The following PDE4B variants were observed in gnomAD, a reference collection of about 807,000 sequenced individuals.
PDE4B encodes phosphodiesterase 4B.
A neutral mutation model predicts 82.2 loss-of-function variants in PDE4B; 20 were observed. That is an observed-to-expected ratio of 0.24 (90% confidence interval 0.17 to 0.35). PDE4B has a LOEUF of 0.35. PDE4B is among the 10% of genes least tolerant of loss of function. The pLI is 1.00. For synonymous variants in PDE4B, 320 were observed against 318.9 expected (o/e 1.00, Z -0.04); for missense variants, 655 against 907.2 (o/e 0.72, Z 3.57).
At chr1:65,998,137 A>C (rs1201420634) in intron 3 of PDE4B, among the ~76,000 whole-genome samples, 1 of 152,068 alleles carries the variant, frequency 6.6e-6, no homozygotes, top group Admixed American at 6.6e-5. Flanking sequence ...AGCATATAAA[A>C]CCCCCTGAGT....
intron 12 of PDE4B, among the ~76,000 whole-genome samples, chr1:66,365,338 T>C (rs1265012309): frequency 6.6e-6 from 1 of 152,206 alleles, no homozygotes; most frequent in Non-Finnish European, 1.5e-5. Context: ...TGTATCTGCT[T>C]GTGTTACATA....
At chr1:66,183,539 C>T (rs1021332561) in intron 3 of PDE4B, among the ~76,000 whole-genome samples, 8 of 151,992 alleles carry the variant, frequency 5.3e-5, no homozygotes, top group Admixed American at 3.9e-4. Context: ...CTTATTTATC[C>T]GACAAGTTCC....
intron 1 of PDE4B, among the ~76,000 whole-genome samples, chr1:65,813,904 A>AAC (rs1645849091): frequency 6.6e-6 from 1 of 151,948 alleles, no homozygotes; most frequent in Non-Finnish European, 1.5e-5. Flanking sequence ...AAAAAAAAAA[A>AAC]AAAAAAAAAC....
chr1:65,796,989 G>A (rs574740740), intron 1 of PDE4B, among the ~76,000 whole-genome samples: 7 of 141,666 alleles, frequency 4.9e-5, no homozygotes, highest in Non-Finnish European at 9.1e-5. Flanking sequence ...GTCTCGCTCT[G>A]TTGCCTAGGC....
At chr1:65,867,083 A>G (rs1646520393) in intron 1 of PDE4B, among the ~76,000 whole-genome samples, 3 of 152,184 alleles carry the variant, frequency 2.0e-5, no homozygotes, top group Admixed American at 6.5e-5. Context: ...TATAGATGGA[A>G]TAAGACTGAT....
At chr1:66,186,543 TC>T (rs1325542300) in intron 3 of PDE4B, among the ~76,000 whole-genome samples, 23 of 152,200 alleles carry the variant, frequency 1.5e-4, no homozygotes, top group African/African-American at 5.1e-4. Flanking sequence ...CTTGAAGAGG[TC>T]CTTCACGTCC....
At chr1:66,125,532 T>A (rs564704316) in intron 3 of PDE4B, among the ~76,000 whole-genome samples, 2 of 152,218 alleles carry the variant, frequency 1.3e-5, no homozygotes, top group Non-Finnish European at 2.9e-5. Flanking sequence ...ATGCTTAATA[T>A]GAGAAGTGTT....
chr1:66,118,793 G>A (rs1645650069), intron 3 of PDE4B, among the ~76,000 whole-genome samples: 1 of 151,880 alleles, frequency 6.6e-6, no homozygotes, highest in African/African-American at 2.4e-5. Context: ...AGTAAGTACA[G>A]TCCTTCCTTG....
chr1:66,335,158 A>G (rs1421574552), intron 8 of PDE4B, among the ~76,000 whole-genome samples: 1 of 152,056 alleles, frequency 6.6e-6, no homozygotes, highest in African/African-American at 2.4e-5. Flanking sequence ...AGCCAGTGTA[A>G]ATCTCTGAGT....
At chr1:65,853,013 A>C (rs12130802) in intron 1 of PDE4B, among the ~76,000 whole-genome samples, 16,987 of 151,812 alleles carry the variant, frequency 0.11, 1,073 homozygotes, top group Non-Finnish European at 0.14. Context: ...ACATTTAGCT[A>C]TTTTCCTTTT....
At chr1:66,186,410 A>G (rs935415285) in intron 3 of PDE4B, among the ~76,000 whole-genome samples, 3 of 152,210 alleles carry the variant, frequency 2.0e-5, no homozygotes, top group Admixed American at 2.0e-4. Context: ...CATCGAATCT[A>G]TAAATCACCT....
chr1:66,118,605 T>A (rs1015931028), intron 3 of PDE4B, among the ~76,000 whole-genome samples: 1 of 152,112 alleles, frequency 6.6e-6, no homozygotes, highest in Admixed American at 6.5e-5. Context: ...TTAGGAGATA[T>A]ACCTAATGTA....
chr1:66,116,420 C>G (rs948868062), intron 3 of PDE4B, among the ~76,000 whole-genome samples: 2 of 152,174 alleles, frequency 1.3e-5, no homozygotes, highest in Non-Finnish European at 2.9e-5. Flanking sequence ...CCTTCCTCCC[C>G]CCAACTCCCA....
At chr1:65,824,878 G>T (rs967588717) in intron 1 of PDE4B, among the ~76,000 whole-genome samples, 2 of 152,074 alleles carry the variant, frequency 1.3e-5, no homozygotes, top group East Asian at 3.8e-4. Flanking sequence ...GTTGAATCAG[G>T]CTCTCTAGTG....
In PDE4B at chr1:66,188,735, C is replaced by G. The variant is rs547030207; in HGVS notation, c.282-58725C>G. ...TTTTGAGCCTATGTGTGTCTCTGCA[C>G]ATGAGATGGGTTTCCTGAATACAGC... On this transcript the variant is annotated intron_variant, in intron 3 of 16. Transcript: ENST00000341517. Among the ~76,000 whole-genome samples, 899 of 151,842 alleles carry G rather than the reference C, an allele frequency of 5.9e-3. 5 individuals carry two copies. Among genetic ancestry groups the G allele is most frequent in the Middle Eastern group, 0.014 (4 of 294 alleles).
chr1:66,047,213 A>G lies in PDE4B; in HGVS notation c.281+128378A>G, dbSNP rs1570082972. On this transcript the variant is annotated intron_variant, in intron 3 of 16. Transcript: ENST00000341517. ...ATTAATGCAGGAACCATGGAGTTTGACTGATTTAGTTGGACTCCAGGCTGC... is the reference window on the plus strand; with the variant it reads ...ATTAATGCAGGAACCATGGAGTTTGGCTGATTTAGTTGGACTCCAGGCTGC... Among the ~76,000 whole-genome samples, 3 of 151,868 alleles carry G rather than the reference A, an allele frequency of 2.0e-5. No homozygotes were observed. The South Asian group carries it at 6.2e-4, about 32-fold the overall frequency.
intron 3 of PDE4B, among the ~76,000 whole-genome samples, chr1:65,956,571 T>C (rs1249201616): frequency 1.3e-5 from 2 of 152,140 alleles, no homozygotes; most frequent in Admixed American, 6.6e-5. Flanking sequence ...TCTAAGAGTT[T>C]CCTTATTGTT....
intron 1 of PDE4B, among the ~76,000 whole-genome samples, chr1:65,793,483 T>G (rs1645597154): frequency 6.6e-6 from 1 of 152,150 alleles, no homozygotes. Context: ...CTTCCGCCCT[T>G]GGACCTCTTG....
intron 3 of PDE4B, among the ~76,000 whole-genome samples, chr1:65,921,541 G>A (rs1474554256): frequency 6.6e-6 from 1 of 152,120 alleles, no homozygotes; most frequent in Non-Finnish European, 1.5e-5. Context: ...CCAGCAATGA[G>A]CAAATGTTTT....
Sources: allele counts gnomAD v4.1 joint callset (sites outside exome capture counted in the v4.1 genomes callset), GRCh38; gene constraint gnomAD v4.1.1; transcripts MANE v1.5; gene names NCBI Gene and HGNC (gene_info 2026-07-23, HGNC 2026-07-21).